Variants in NAF1 observed in about 807,000 individuals in gnomAD.
NAF1 encodes the protein nuclear assembly factor 1 ribonucleoprotein, also known as H/ACA ribonucleoprotein complex non-core subunit NAF1.
A neutral mutation model predicts 40.6 loss-of-function variants in NAF1; 11 were observed. That is an observed-to-expected ratio of 0.27 (90% confidence interval 0.17 to 0.45). The LOEUF (loss-of-function observed/expected upper bound fraction) is 0.45, where lower values mean the gene tolerates loss of function less well. Ranked by LOEUF, NAF1 falls within the 20% of genes least tolerant of loss-of-function variation. NAF1 has a pLI of 1.00. For missense variants in NAF1, 607 were observed against 611.1 expected (o/e 0.99, Z 0.07); for synonymous variants, 260 against 228.5 (o/e 1.14, Z -1.24).
In NAF1 at chr4:163,140,293, T is replaced by C. The variant is rs1196399851; in HGVS notation, c.808A>G (p.Lys270Glu). 1 of 1,608,152 alleles carries C rather than the reference T, an allele frequency of 6.2e-7. No homozygotes were observed. Among genetic ancestry groups the C allele is most frequent in the Non-Finnish European group, 8.5e-7 (1 of 1,176,958 alleles). Residue 270 changes from lysine to glutamate, a missense_variant, in exon 5 of 8, where the codon AAG (lysine) becomes GAG (glutamate). This residue lies in a region of NAF1 where 407 missense variants were observed against 365.5 expected (regional missense o/e 1.11). Coordinates refer to ENST00000274054, the MANE Select transcript of NAF1 (RefSeq NM_138386.3). ...DHIESKGIKIKETMYFAPSMK... is the reference protein window; with the variant it reads ...DHIESKGIKIEETMYFAPSMK... Reference sequence around the variant, plus strand: ...GATGGAGCAAAATACATAGTCTCCTTTATTTTAATACCTTTACTCTCAATG... The same window carrying C: ...GATGGAGCAAAATACATAGTCTCCTCTATTTTAATACCTTTACTCTCAATG...
chr4:163,120,167 C>A (rs1041826760), intron 2 of NAF1, among the ~76,000 whole-genome samples: 2 of 152,170 alleles, frequency 1.3e-5, no homozygotes, highest in African/African-American at 2.4e-5. Flanking sequence ...TTTCCCAGCA[C>A]TCCTGTATGT....
At chr4:163,114,450 A>G (rs1730262855) in intron 2 of NAF1, among the ~76,000 whole-genome samples, 1 of 152,170 alleles carries the variant, frequency 6.6e-6, no homozygotes. Context: ...ATTCCAGAAA[A>G]TTTATTTTCA....
intron 5 of NAF1, among the ~76,000 whole-genome samples, chr4:163,138,684 A>G (rs1461002172): frequency 6.6e-6 from 1 of 152,106 alleles, no homozygotes. Context: ...TATAGGTCTA[A>G]TTTCCCAATT....
intron 3 of NAF1, among the ~76,000 whole-genome samples, chr4:163,147,274 A>C (rs771550600): frequency 1.5e-4 from 23 of 152,172 alleles, no homozygotes; most frequent in Non-Finnish European, 2.6e-4. Context: ...AAAAGGTCCT[A>C]TTTCTACCAC....
At chr4:163,158,355 G>A (rs1476603523) in intron 2 of NAF1, 2 of 151,988 alleles carry the variant, frequency 1.3e-5, no homozygotes, top group Admixed American at 1.3e-4. Flanking sequence ...AAAAAGAATG[G>A]ATTAGGTCTG....
At chr4:163,136,193 G>C (rs994054504) in intron 6 of NAF1, 1 of 151,882 alleles carries the variant, frequency 6.6e-6, no homozygotes, top group African/African-American at 2.4e-5. Context: ...ATACTGGCTG[G>C]GCAAGGGGCT....
At chr4:163,149,192 A>G (rs1271153307) in intron 2 of NAF1, among the ~76,000 whole-genome samples, 2 of 152,200 alleles carry the variant, frequency 1.3e-5, no homozygotes, top group African/African-American at 4.8e-5. Context: ...TAGCCTTTAG[A>G]TTAAAAACAC....
At chr4:163,124,000 G>T (rs896662533), downstream of NAF1, among the ~76,000 whole-genome samples, 7 of 152,164 alleles carry the variant, frequency 4.6e-5, no homozygotes, top group Admixed American at 3.3e-4. Context: ...AGAGACAGTT[G>T]GTGACTTAGT....
intron 5 of NAF1, among the ~76,000 whole-genome samples, chr4:163,139,742 A>AG (rs1362326635): frequency 6.6e-6 from 1 of 152,176 alleles, no homozygotes; most frequent in Non-Finnish European, 1.5e-5. Context: ...GACACGTGTT[A>AG]GTTGTCTCTT....
chr4:163,129,378 A>T, intron 7 of NAF1, 30 bp from the exon 8 acceptor site: 1 of 1,555,432 alleles, frequency 6.4e-7, no homozygotes, highest in Non-Finnish European at 8.8e-7. Flanking sequence ...AAACATAAAA[A>T]GGAAAATAAG....
chr4:163,137,848 C>T (rs1560790577), intron 5 of NAF1, among the ~76,000 whole-genome samples: 2 of 152,064 alleles, frequency 1.3e-5, no homozygotes, highest in African/African-American at 4.8e-5. Flanking sequence ...TTTAAAGATT[C>T]TGAAGGACAA....
intron 3 of NAF1, among the ~76,000 whole-genome samples, chr4:163,146,480 A>G (rs1466947869): frequency 2.0e-5 from 3 of 152,202 alleles, no homozygotes; most frequent in Non-Finnish European, 4.4e-5. Flanking sequence ...CATAACAAAG[A>G]GAAAACACAC....
chr4:163,133,647 C>G (rs1221131202), intron 6 of NAF1: 1 of 167,582 alleles, frequency 6.0e-6, no homozygotes, highest in Non-Finnish European at 1.3e-5. Flanking sequence ...TCAAAATACA[C>G]ACCCAAGCAC....
chr4:163,160,747 C>A (rs958414361), intron 2 of NAF1, among the ~76,000 whole-genome samples: 2 of 152,180 alleles, frequency 1.3e-5, no homozygotes, highest in African/African-American at 2.4e-5. Context: ...GAAGGTCCAG[C>A]ACAAATTCTA....
At chr4:163,155,170 C>T (rs184767266) in intron 2 of NAF1, among the ~76,000 whole-genome samples, 1 of 152,178 alleles carries the variant, frequency 6.6e-6, no homozygotes, top group Non-Finnish European at 1.5e-5. Context: ...GTATCACTAC[C>T]AAGCCTAGTC....
At chr4:163,156,900 C>G (rs1247515568) in intron 2 of NAF1, 5 of 152,038 alleles carry the variant, frequency 3.3e-5, no homozygotes, top group Non-Finnish European at 7.4e-5. Context: ...ACTATTTTAT[C>G]ATACAAATGA....
At chr4:163,119,689 AG>A (rs1010303060) in intron 2 of NAF1, 28 of 152,352 alleles carry the variant, frequency 1.8e-4, no homozygotes, top group African/African-American at 6.5e-4. Flanking sequence ...ATAATGGTAC[AG>A]GGTGATATTC....
At chr4:163,138,245 T>C (rs891114161) in intron 5 of NAF1, among the ~76,000 whole-genome samples, 1 of 152,136 alleles carries the variant, frequency 6.6e-6, no homozygotes, top group Non-Finnish European at 1.5e-5. Context: ...TTTGACATTA[T>C]ATATGAGCCA....
At chr4:163,129,406 C>T (rs1320684875) in intron 7 of NAF1, 58 bp from the exon 8 acceptor site, 1 of 1,466,978 alleles carries the variant, frequency 6.8e-7, no homozygotes, top group Admixed American at 2.0e-5. Context: ...TATCAAAAAG[C>T]ATTGTTTGAA....
Sources: allele counts gnomAD v4.1 joint callset (sites outside exome capture counted in the v4.1 genomes callset), GRCh38; gene constraint gnomAD v4.1.1; regional missense constraint gnomAD v4.1.1; transcripts MANE v1.5; gene names NCBI Gene and HGNC (gene_info 2026-07-23, HGNC 2026-07-21).